Variants in WDPCP observed in about 807,000 individuals in gnomAD.
WDPCP encodes the protein WD repeat containing planar cell polarity effector, also known as WD repeat-containing and planar cell polarity effector protein fritz homolog.
WDPCP carries 71 observed loss-of-function variants against 93.1 expected under a neutral mutation model. The observed-to-expected ratio is 0.76, with a 90% CI of 0.63 to 0.93. The LOEUF is 0.93. Among genes scored for constraint, WDPCP ranks in the 40% least tolerant of loss-of-function variants. The pLI, the probability that WDPCP is intolerant of heterozygous loss-of-function variation, is 0.00. For synonymous variants in WDPCP, 315 were observed against 315.0 expected, an observed-to-expected ratio of 1.00 and a Z score of 0.00; for missense variants, 844 against 887.4, an observed-to-expected ratio of 0.95 and a Z score of 0.62.
intron 12 of WDPCP, among the ~76,000 whole-genome samples, chr2:63,347,534 C>T (rs1212409803): frequency 6.6e-6 from 1 of 152,118 alleles, no homozygotes; most frequent in Non-Finnish European, 1.5e-5. Flanking sequence ...GCTCTACTGT[C>T]ATTGGAAAAG....
chr2:63,522,494 A>ACACG (rs1313007836), intron 1 of WDPCP, among the ~76,000 whole-genome samples: 5 of 151,576 alleles, frequency 3.3e-5, no homozygotes, highest in Admixed American at 2.6e-4. Context: ...ACACACACAC[A>ACACG]CAAACATACA....
chr2:63,628,967 A>G (rs1051715402), intron 3 of WDPCP, among the ~76,000 whole-genome samples: 1 of 152,200 alleles, frequency 6.6e-6, no homozygotes, highest in Non-Finnish European at 1.5e-5. Flanking sequence ...CAACCACCCA[A>G]CAAAACAAAA....
intron 10 of WDPCP, among the ~76,000 whole-genome samples, chr2:63,384,173 A>C (rs901305861): frequency 2.0e-5 from 3 of 152,140 alleles, no homozygotes; most frequent in African/African-American, 7.2e-5. Context: ...GGAAATAATA[A>C]AGACAGTAAA....
At chr2:63,163,329 A>G (rs1672754228) in intron 15 of WDPCP, among the ~76,000 whole-genome samples, 2 of 152,180 alleles carry the variant, frequency 1.3e-5, no homozygotes, top group African/African-American at 4.8e-5. Flanking sequence ...AAGATTGTTT[A>G]TCTTCTTTGG....
chr2:63,395,174 T>G (rs7559982), intron 10 of WDPCP, among the ~76,000 whole-genome samples: 1 of 151,998 alleles, frequency 6.6e-6, no homozygotes, highest in Admixed American at 6.6e-5. Flanking sequence ...AAGAGTACCT[T>G]CTACATGATC....
Position 63,760,942 on chromosome 2 carries a change from T to C in WDPCP, n.308+52680A>G, listed in dbSNP as rs115477871. ...CCACTCAGTGGTACATCCAATACTC[T>C]ATTATTACTGGGTTTACTACTAGGC... On this transcript the variant is annotated intron_variant and non_coding_transcript_variant, in intron 2 of 4. Transcript: ENST00000467687. Among the ~76,000 whole-genome samples, 864 of 152,270 alleles carry C rather than the reference T, an allele frequency of 5.7e-3. 13 individuals carry two copies. Among genetic ancestry groups the C allele is most frequent in the African/African-American group, 0.019 (806 of 41,556 alleles).
At chr2:63,209,688 C>T (rs1676616733) in intron 14 of WDPCP, among the ~76,000 whole-genome samples, 1 of 152,194 alleles carries the variant, frequency 6.6e-6, no homozygotes, top group African/African-American at 2.4e-5. Context: ...GATTAAAATA[C>T]TTCAATGACA....
intron 15 of WDPCP, among the ~76,000 whole-genome samples, chr2:63,155,675 AGACT>A (rs1672191786): frequency 6.6e-6 from 1 of 152,242 alleles, no homozygotes. Flanking sequence ...TAGTTGTGAC[AGACT>A]ATGTGACCTG....
At chr2:63,191,478 TGGAG>T (rs1488733068) in intron 14 of WDPCP, among the ~76,000 whole-genome samples, 1 of 152,180 alleles carries the variant, frequency 6.6e-6, no homozygotes, top group Non-Finnish European at 1.5e-5. Flanking sequence ...CATAAAAAAA[TGGAG>T]GGATTTAGCA....
chr2:63,353,177 C>T (rs1689757298), intron 12 of WDPCP, among the ~76,000 whole-genome samples: 2 of 152,094 alleles, frequency 1.3e-5, no homozygotes, highest in Admixed American at 1.3e-4. Flanking sequence ...CTATGTGAAC[C>T]CACTCCACCG....
intron 12 of WDPCP, among the ~76,000 whole-genome samples, chr2:63,313,868 A>ATATATGTGTGTG (rs61302010): frequency 1.4e-4 from 1 of 7,260 alleles, no homozygotes; most frequent in African/African-American, 5.0e-4. Context: ...ATATATATAT[A>ATATATGTGTGTG]TATATATATA....
rs149754074 is a variant in WDPCP at position 63,430,991 on chromosome 2, T to C, written c.825+2754A>G. Among the ~76,000 whole-genome samples the C allele has an allele frequency of 2.2e-3, 335 of 152,332 alleles. 10 individuals carry two copies. The East Asian group carries it at 0.06, about 27-fold the overall frequency. On this transcript the variant is annotated intron_variant, in intron 9 of 17. Transcript: ENST00000272321. ...TGTTTCTCCTCTGAAAATCACATAATTCAGTCACAGAGAGCTTATTTCTAT... is the reference window on the plus strand; with the variant it reads ...TGTTTCTCCTCTGAAAATCACATAACTCAGTCACAGAGAGCTTATTTCTAT...
intron 1 of WDPCP, among the ~76,000 whole-genome samples, chr2:63,501,345 C>T (rs2106009190): frequency 6.6e-6 from 1 of 152,238 alleles, no homozygotes; most frequent in South Asian, 2.1e-4. Flanking sequence ...AGAAGGATTG[C>T]TCTAAGTCAG....
At chr2:63,335,523 A>T (rs1214782640) in intron 12 of WDPCP, among the ~76,000 whole-genome samples, 1 of 151,282 alleles carries the variant, frequency 6.6e-6, no homozygotes, top group Admixed American at 6.6e-5. Context: ...TCCCAGGTTC[A>T]AGAGATCCTC....
At chr2:63,294,701 A>G (rs1575079404) in intron 13 of WDPCP, among the ~76,000 whole-genome samples, 2 of 152,126 alleles carry the variant, frequency 1.3e-5, no homozygotes, top group Middle Eastern at 3.4e-3. Context: ...GGTGAAATAA[A>G]AGGGCACTAG....
At position 63,609,092 on chromosome 2, in the gene WDPCP, C is replaced by T. The variant is rs941193692; in HGVS notation, n.488+41567G>A. Among the ~76,000 whole-genome samples the T allele has an allele frequency of 1.2e-4, 18 of 152,030 alleles. 2 individuals are homozygous for T. The highest frequency in any genetic ancestry group is 1.1e-3 in the Admixed American group (17 of 15,268). ...GTTAAAAATGTGCTAATGGGCCAGGCGCGGTGGCTCATGCTTGTAATCCCA... is the reference window on the plus strand; with the variant it reads ...GTTAAAAATGTGCTAATGGGCCAGGTGCGGTGGCTCATGCTTGTAATCCCA... On this transcript the variant is annotated intron_variant and non_coding_transcript_variant, in intron 3 of 4. Transcript: ENST00000467687.
chr2:63,772,932 A>C (rs574334129), intron 2 of WDPCP, among the ~76,000 whole-genome samples: 2 of 152,174 alleles, frequency 1.3e-5, no homozygotes, highest in African/African-American at 4.8e-5. Context: ...ATTTTTCTGA[A>C]TGGCCTAGCC....
At chr2:63,390,559 C>A (rs539261240) in intron 10 of WDPCP, among the ~76,000 whole-genome samples, 1 of 152,048 alleles carries the variant, frequency 6.6e-6, no homozygotes, top group Non-Finnish European at 1.5e-5. Flanking sequence ...CAGAGCAGAA[C>A]TGAAAGAGAT....
chr2:63,683,401 AAG>A (rs1263772730), intron 2 of WDPCP, among the ~76,000 whole-genome samples: 4 of 152,228 alleles, frequency 2.6e-5, no homozygotes, highest in African/African-American at 9.7e-5. Flanking sequence ...GGGATAGAAA[AAG>A]ATATTTCATG....
Sources: allele counts gnomAD v4.1 joint callset (sites outside exome capture counted in the v4.1 genomes callset), GRCh38; gene constraint gnomAD v4.1.1; transcripts MANE v1.5; gene names NCBI Gene and HGNC (gene_info 2026-07-23, HGNC 2026-07-21).